The following CTNNA2 variants were observed in gnomAD, a reference collection of about 807,000 sequenced individuals.
CTNNA2 encodes the protein catenin alpha 2.
In CTNNA2, 42 loss-of-function variants were observed where a neutral mutation model predicts 101.0. That is an observed-to-expected ratio of 0.42 (90% CI 0.32 to 0.54). The LOEUF is 0.54. CTNNA2 is among the 20% of genes least tolerant of loss of function. CTNNA2 has a pLI of 0.14. For missense variants in CTNNA2, 871 were observed against 1,223.1 expected, an observed-to-expected ratio of 0.71 and a Z score of 4.29; for synonymous variants, 450 against 456.4, an observed-to-expected ratio of 0.99 and a Z score of 0.18.
chr2:79,342,124 C>G (rs1037866227), intron 3 of CTNNA2, among the ~76,000 whole-genome samples: 1 of 152,162 alleles, frequency 6.6e-6, no homozygotes, highest in Non-Finnish European at 1.5e-5. Flanking sequence ...TTCTGTGTAG[C>G]TCTTTACCCA....
intron 1 of CTNNA2, among the ~76,000 whole-genome samples, chr2:79,640,568 A>G (rs929540792): frequency 1.3e-5 from 2 of 152,224 alleles, no homozygotes; most frequent in Non-Finnish European, 2.9e-5. Flanking sequence ...CCAAGATGTC[A>G]TGTGTTTTCA....
At chr2:79,818,811 C>CA (rs1341253631) in intron 3 of CTNNA2, among the ~76,000 whole-genome samples, 1 of 72,516 alleles carries the variant, frequency 1.4e-5, no homozygotes, top group African/African-American at 7.6e-5. Flanking sequence ...CTTCAGGATC[C>CA]AAAATGCAAT....
chr2:80,218,820 C>T (rs560238615), intron 7 of CTNNA2, among the ~76,000 whole-genome samples: 16 of 152,126 alleles, frequency 1.1e-4, no homozygotes, highest in Non-Finnish European at 1.9e-4. Flanking sequence ...TTTAAGAGTA[C>T]TTTGTGTTGT....
intron 9 of CTNNA2, among the ~76,000 whole-genome samples, chr2:80,496,993 G>C (rs574249953): frequency 6.6e-6 from 1 of 152,124 alleles, no homozygotes; most frequent in African/African-American, 2.4e-5. Context: ...AAGCATGAAC[G>C]AAGCGCCTGA....
chr2:79,746,429 G>A (rs945435864), intron 3 of CTNNA2, among the ~76,000 whole-genome samples: 2 of 152,130 alleles, frequency 1.3e-5, no homozygotes, highest in Admixed American at 6.5e-5. Context: ...CAGCATTGTA[G>A]TTGAAAGTTC....
chr2:80,415,676 TTC>T (rs1679974026), intron 8 of CTNNA2, among the ~76,000 whole-genome samples: 1 of 152,120 alleles, frequency 6.6e-6, no homozygotes, highest in African/African-American at 2.4e-5. Context: ...AAACTAGAAC[TTC>T]TGGGTAGAAT....
chr2:79,543,724 A>T (rs1673558463), intron 1 of CTNNA2, among the ~76,000 whole-genome samples: 1 of 152,204 alleles, frequency 6.6e-6, no homozygotes, highest in Non-Finnish European at 1.5e-5. Context: ...AATAGTGCAG[A>T]ACTACCTGGA....
chr2:79,862,031 G>A (rs1004672023), intron 4 of CTNNA2, among the ~76,000 whole-genome samples: 1 of 152,130 alleles, frequency 6.6e-6, no homozygotes, highest in Non-Finnish European at 1.5e-5. Context: ...ATCATGAAGA[G>A]GGACATTTAT....
At chr2:79,913,225 T>C (rs565576691) in intron 7 of CTNNA2, among the ~76,000 whole-genome samples, 23 of 152,244 alleles carry the variant, frequency 1.5e-4, no homozygotes, top group African/African-American at 5.1e-4. Flanking sequence ...AAGAATGGCC[T>C]AGGAAGGTGC....
intron 3 of CTNNA2, among the ~76,000 whole-genome samples, chr2:79,829,553 G>C (rs181322435): frequency 4.0e-5 from 6 of 151,176 alleles, no homozygotes; most frequent in South Asian, 2.1e-4. Context: ...CTGGGTGACA[G>C]AGCGAGACTC....
chr2:79,319,586 G>A (rs191152050), intron 3 of CTNNA2: 2 of 151,686 alleles, frequency 1.3e-5, no homozygotes, highest in Non-Finnish European at 2.9e-5. Context: ...TGACTGAGCT[G>A]CCTTTATATA....
intron 8 of CTNNA2, among the ~76,000 whole-genome samples, chr2:80,404,963 A>T (rs1678928498): frequency 6.6e-6 from 1 of 152,224 alleles, no homozygotes. Flanking sequence ...AGAGTTCCAG[A>T]GACGTACAAA....
At position 80,545,909 on chromosome 2, in the gene CTNNA2, C is replaced by T; in HGVS notation, c.1386C>T (p.Val462=). The T allele has an allele frequency of 1.2e-6, 2 of 1,613,500 alleles. No homozygotes were observed. Among genetic ancestry groups the T allele is most frequent in the Non-Finnish European group, 1.7e-6 (2 of 1,179,684 alleles). ...CCTGGATTGTTTCCAACAAATAGGT[C>T]ATCAATGCCGCTCTGACACTGGCTG... The part of the protein sequence containing the change: ...ATQIDSLCPQ[V]INAALTLAAR... The change falls in exon 11 of 19, where the codon GTC becomes GTT. Residue 462 remains valine, a splice_region_variant and synonymous_variant. Transcript: ENST00000402739.
chr2:79,465,306 T>C (rs537747702), intron 4 of CTNNA2, among the ~76,000 whole-genome samples: 2 of 152,306 alleles, frequency 1.3e-5, no homozygotes, highest in South Asian at 2.1e-4. Flanking sequence ...ATGTGTCATA[T>C]TATTTTTGAG....
At chr2:79,518,803 C>G (rs1431258769) in intron 1 of CTNNA2, among the ~76,000 whole-genome samples, 1 of 152,128 alleles carries the variant, frequency 6.6e-6, no homozygotes, top group Non-Finnish European at 1.5e-5. Context: ...AAAGGGTATC[C>G]TACAGTCTTT....
chr2:80,211,595 G>A (rs1009746484), intron 7 of CTNNA2, among the ~76,000 whole-genome samples: 1 of 152,012 alleles, frequency 6.6e-6, no homozygotes, highest in South Asian at 2.1e-4. Flanking sequence ...TTGGTACCAG[G>A]ACCATGCTAT....
intron 7 of CTNNA2, among the ~76,000 whole-genome samples, chr2:80,129,657 G>T (rs977199946): frequency 6.6e-6 from 1 of 152,168 alleles, no homozygotes; most frequent in South Asian, 2.1e-4. Context: ...TAACTGGTAC[G>T]CATATAAGAT....
At chr2:79,945,432 C>T (rs1376306220) in intron 7 of CTNNA2, among the ~76,000 whole-genome samples, 1 of 152,152 alleles carries the variant, frequency 6.6e-6, no homozygotes, top group Non-Finnish European at 1.5e-5. Flanking sequence ...AAAAAGACTA[C>T]TATATCTCAT....
intron 4 of CTNNA2, among the ~76,000 whole-genome samples, chr2:79,859,729 T>A (rs938233037): frequency 6.6e-6 from 1 of 151,624 alleles, no homozygotes; most frequent in Non-Finnish European, 1.5e-5. Flanking sequence ...TTGAGGAGAG[T>A]CTTTACCTGT....
Sources: gnomAD v4.1 joint callset for allele counts (sites outside exome capture counted in the v4.1 genomes callset) on GRCh38, gnomAD v4.1.1 for gene constraint, MANE v1.5 for transcripts, NCBI Gene and HGNC (gene_info 2026-07-23, HGNC 2026-07-21) for gene names.